SOBP: variants seen among roughly 807,000 people sequenced by gnomAD.
SOBP encodes the protein sine oculis binding protein homolog.
SOBP carries 4 observed loss-of-function variants against 53.6 expected under a neutral mutation model. That is an observed-to-expected ratio of 0.07 (90% CI 0.04 to 0.17). SOBP has a LOEUF of 0.17. Among genes scored for constraint, SOBP ranks in the 10% least tolerant of loss-of-function variants. The pLI, the probability that SOBP is intolerant of heterozygous loss-of-function variation, is 1.00. For synonymous variants in SOBP, 584 were observed against 522.6 expected (o/e 1.12, Z -1.60); for missense variants, 1,088 against 1,204.7 (o/e 0.90, Z 1.43).
intron 1 of SOBP, among the ~76,000 whole-genome samples, chr6:107,496,714 A>C (rs1057076732): frequency 5.9e-5 from 9 of 152,184 alleles, no homozygotes; most frequent in African/African-American, 1.9e-4. Context: ...CTGAGTGGGA[A>C]TCTGGCCACC....
chr6:107,635,302 A>G lies in SOBP; in HGVS notation c.2458A>G (p.Met820Val), dbSNP rs778619896. The change falls in exon 6 of 7, where the codon ATG becomes GTG. Residue 820 changes from methionine (M) to valine (V), a missense_variant. Coordinates refer to ENST00000317357, the MANE Select transcript of SOBP (RefSeq NM_018013.4). The surrounding 1 kb of genome is among the most constrained non-coding windows in gnomAD (Gnocchi z 4.5). ...CGAGGACCATGCCTATGCTCTGCGG[A>G]TGCTGCCCAAGACCGGCTGCGTGAT... The part of the protein sequence containing the change: ...ADEDHAYALR[M>V]LPKTGCVIQP... 1.2e-6 allele frequency: 2 copies of G among 1,613,830 alleles called. No homozygotes were observed. Among genetic ancestry groups the G allele is most frequent in the East Asian group, 2.2e-5 (1 of 44,846 alleles).
At chr6:107,496,409 G>T (rs1782700041) in intron 1 of SOBP, among the ~76,000 whole-genome samples, 1 of 152,142 alleles carries the variant, frequency 6.6e-6, no homozygotes. Flanking sequence ...ATCACGACGA[G>T]ACAGTAAAAC....
intron 5 of SOBP, among the ~76,000 whole-genome samples, chr6:107,594,677 G>A (rs1785879059): frequency 6.6e-6 from 1 of 152,200 alleles, no homozygotes; most frequent in Admixed American, 6.5e-5. Flanking sequence ...CGTGCTAAGG[G>A]AAGGAGACAA....
At chr6:107,520,397 ATCT>A (rs1288737232) in intron 3 of SOBP, among the ~76,000 whole-genome samples, 1 of 152,208 alleles carries the variant, frequency 6.6e-6, no homozygotes, top group Non-Finnish European at 1.5e-5. Flanking sequence ...AGGTTAAATG[ATCT>A]TCTCAAGGTC....
chr6:107,498,904 G>A (rs1782765166), intron 1 of SOBP, among the ~76,000 whole-genome samples: 1 of 152,156 alleles, frequency 6.6e-6, no homozygotes, highest in Non-Finnish European at 1.5e-5. Context: ...GGGAAATTAT[G>A]TAGTAGAAGT....
chr6:107,511,848 A>G (rs1783179519), intron 3 of SOBP: 1 of 152,300 alleles, frequency 6.6e-6, no homozygotes, highest in Non-Finnish European at 1.5e-5. Context: ...CCCCCCACAG[A>G]GACAGCCTCT....
At chr6:107,520,335 A>C (rs1434536051) in intron 3 of SOBP, among the ~76,000 whole-genome samples, 3 of 152,210 alleles carry the variant, frequency 2.0e-5, no homozygotes, top group South Asian at 2.1e-4. Flanking sequence ...GAAACCTAGA[A>C]TATCATCTAA....
chr6:107,591,373 A>G (rs1785741133), intron 5 of SOBP, among the ~76,000 whole-genome samples: 2 of 152,216 alleles, frequency 1.3e-5, no homozygotes, highest in Non-Finnish European at 2.9e-5. Context: ...ACAGTGAGCT[A>G]TGCCCCAAAA....
chr6:107,578,442 C>T (rs1785303755), intron 4 of SOBP, among the ~76,000 whole-genome samples: 1 of 152,188 alleles, frequency 6.6e-6, no homozygotes, highest in African/African-American at 2.4e-5. Flanking sequence ...GGTGGGAGAT[C>T]ATCAGTGTGT....
intron 5 of SOBP, among the ~76,000 whole-genome samples, chr6:107,594,782 C>T (rs1785885193): frequency 6.6e-6 from 1 of 152,198 alleles, no homozygotes; most frequent in Non-Finnish European, 1.5e-5. Flanking sequence ...CGTAACTTTT[C>T]TAAGTAGATA....
intron 5 of SOBP, among the ~76,000 whole-genome samples, chr6:107,591,976 T>C: frequency 1.1e-5 from 1 of 91,290 alleles, no homozygotes; most frequent in East Asian, 6.6e-4. Context: ...GTGTTTTTTT[T>C]TTTTTTTTTT....
intron 4 of SOBP, among the ~76,000 whole-genome samples, chr6:107,572,829 TTAG>T (rs1315095164): frequency 6.6e-6 from 1 of 152,030 alleles, no homozygotes; most frequent in African/African-American, 2.4e-5. Flanking sequence ...TAGGGTGAAG[TTAG>T]TAGCTGGAAA....
intron 3 of SOBP, among the ~76,000 whole-genome samples, chr6:107,516,333 G>A (rs375381097): frequency 2.6e-5 from 4 of 152,086 alleles, no homozygotes; most frequent in Admixed American, 6.6e-5. Context: ...GTGGTGATGC[G>A]CTCCTATAAT....
chr6:107,658,020 G>A (rs1023096435), intron 6 of SOBP, among the ~76,000 whole-genome samples, 187 bp from the exon 7 acceptor site: 1 of 152,138 alleles, frequency 6.6e-6, no homozygotes, highest in Non-Finnish European at 1.5e-5. Context: ...GCTGACCTGA[G>A]CAGACCGTGA....
At chr6:107,532,136 T>C (rs781331423) in intron 3 of SOBP, among the ~76,000 whole-genome samples, 26 of 151,950 alleles carry the variant, frequency 1.7e-4, no homozygotes, top group Non-Finnish European at 3.2e-4. Context: ...CGAGTGCTTG[T>C]TGGGGATTTT....
intron 5 of SOBP, among the ~76,000 whole-genome samples, chr6:107,601,909 G>T (rs1440777940): frequency 6.6e-6 from 1 of 152,184 alleles, no homozygotes; most frequent in African/African-American, 2.4e-5. Context: ...CAGAAGTCTT[G>T]CCCTCACCTC....
rs542652617 is a variant in SOBP, at chr6:107,525,462, G to C, written c.422-7997G>C. 2.6e-5 allele frequency among the ~76,000 whole-genome samples: 4 copies of C among 152,292 alleles called. No homozygotes were observed. The South Asian group carries it at 6.2e-4, about 24-fold the overall frequency. On this transcript the variant is annotated intron_variant, in intron 3 of 6. Coordinates refer to ENST00000317357, the MANE Select transcript of SOBP (RefSeq NM_018013.4). ...TGTCCTTCTTCATTGGAGTACGGGA[G>C]AATAAATGAGGAAGGGACATTGACT...
At chr6:107,647,071 G>A (rs1295818057) in intron 6 of SOBP, among the ~76,000 whole-genome samples, 1 of 152,162 alleles carries the variant, frequency 6.6e-6, no homozygotes, top group Non-Finnish European at 1.5e-5. Context: ...ACCTGCCTGG[G>A]TTTGAAAACT....
At chr6:107,492,818 C>T (rs1406797283) in intron 1 of SOBP, among the ~76,000 whole-genome samples, 3 of 152,144 alleles carry the variant, frequency 2.0e-5, no homozygotes, top group Non-Finnish European at 4.4e-5. Flanking sequence ...TTTTACACGG[C>T]AAATAACTCA....
Sources: gnomAD v4.1 joint callset for allele counts (sites outside exome capture counted in the v4.1 genomes callset) on GRCh38, gnomAD v4.1.1 for gene constraint, Gnocchi (gnomAD v3.1) non-coding constraint, MANE v1.5 for transcripts, NCBI Gene and HGNC (gene_info 2026-07-23, HGNC 2026-07-21) for gene names.